NPEPPS: variants seen among roughly 807,000 people sequenced by gnomAD.
NPEPPS encodes aminopeptidase puromycin sensitive, also known as puromycin-sensitive aminopeptidase.
In NPEPPS, 14 loss-of-function variants were observed where a neutral mutation model predicts 115.5. The ratio of observed to expected loss-of-function variants is 0.12; its 90% CI spans 0.08 to 0.19. The LOEUF is 0.19. Ranked by LOEUF, NPEPPS falls within the 10% of genes least tolerant of loss-of-function variation. The pLI, the probability that NPEPPS is intolerant of heterozygous loss-of-function variation, is 1.00. For synonymous variants in NPEPPS, 285 were observed against 390.6 expected (o/e 0.73, Z 3.19); for missense variants, 523 against 1,110.8 (o/e 0.47, Z 7.52).
At position 47,563,177 on chromosome 17, in the gene NPEPPS, G is replaced by A. The variant is rs577658702; in HGVS notation, c.341-6240G>A. Among the ~76,000 whole-genome samples, 149 of 151,386 alleles carry A rather than the reference G, an allele frequency of 9.8e-4. 3 individuals are homozygous for A. Among genetic ancestry groups the A allele is most frequent in the Admixed American group, 9.7e-3 (148 of 15,246 alleles). Reference sequence around the variant, plus strand: ...CTCCTGAGTAGCTGGGATTACAGGCGTGCACCACCACGCCTGGCTAATTTT... The same window carrying A: ...CTCCTGAGTAGCTGGGATTACAGGCATGCACCACCACGCCTGGCTAATTTT... On this transcript the variant is annotated intron_variant, in intron 2 of 22. Coordinates refer to ENST00000322157, the MANE Select transcript of NPEPPS (RefSeq NM_006310.4).
At chr17:47,531,066 G>C, upstream of NPEPPS, 2 of 506,166 alleles carry the variant, frequency 4.0e-6, no homozygotes, top group Non-Finnish European at 6.5e-6. Flanking sequence ...CTCCACGGGG[G>C]CGCGCCCGGC....
In NPEPPS at chr17:47,603,990, C is replaced by T. The variant is rs756003607; in HGVS notation, c.1816C>T (p.Arg606Cys). Residue 606 changes from arginine (R) to cysteine (C), a missense_variant, in exon 16 of 23, where the codon CGT (arginine) becomes TGT (cysteine). Arg to Cys is a radical substitution (Grantham distance 180, BLOSUM62 -3). Transcript: ENST00000322157. ...AMLESLLPGI[R>C]DLSLPPVDRL... is the part of the protein sequence containing the mutation. ...GCTGGAAAGTTTATTACCAGGCATTCGTGACCTTTCTCTGCCCCCTGTGGA... is the reference window on the plus strand; with the variant it reads ...GCTGGAAAGTTTATTACCAGGCATTTGTGACCTTTCTCTGCCCCCTGTGGA... 14 of 1,613,582 alleles carry T rather than the reference C, an allele frequency of 8.7e-6. No individual in the cohort carries two copies. The highest frequency in any genetic ancestry group is 2.7e-5 in the African/African-American group (2 of 74,894).
intron 1 of NPEPPS, among the ~76,000 whole-genome samples, chr17:47,523,443 CG>C (rs1023716956): frequency 6.7e-6 from 1 of 149,352 alleles, no homozygotes; most frequent in East Asian, 2.0e-4. Flanking sequence ...TTTTTTGAGA[CG>C]GGGTCTCGTT....
intron 2 of NPEPPS, among the ~76,000 whole-genome samples, chr17:47,562,862 C>T (rs1209167147): frequency 6.0e-5 from 9 of 150,040 alleles, no homozygotes; most frequent in Non-Finnish European, 1.0e-4. Context: ...CATATTTGTC[C>T]ATTTTTAATT....
intron 4 of NPEPPS, chr17:47,581,487 T>G (rs1911869620): frequency 6.6e-6 from 1 of 152,218 alleles, no homozygotes; most frequent in Non-Finnish European, 1.5e-5. Flanking sequence ...AACTTAAATC[T>G]TGTTATCTAT....
intron 1 of NPEPPS, among the ~76,000 whole-genome samples, chr17:47,542,083 C>T (rs1019245298): frequency 6.6e-5 from 10 of 152,156 alleles, no homozygotes; most frequent in Non-Finnish European, 1.0e-4. Context: ...TCGTACTACT[C>T]TGATGTTCTT....
At chr17:47,603,000 G>A (rs2143922397) in intron 15 of NPEPPS, among the ~76,000 whole-genome samples, 1 of 152,164 alleles carries the variant, frequency 6.6e-6, no homozygotes, top group African/African-American at 2.4e-5. Context: ...AATTGTAGGG[G>A]TGGTTTTAAA....
intron 2 of NPEPPS, among the ~76,000 whole-genome samples, chr17:47,560,556 G>A (rs2663809): frequency 6.6e-6 from 1 of 152,150 alleles, no homozygotes; most frequent in Non-Finnish European, 1.5e-5. Flanking sequence ...TTATGCCCTA[G>A]GGTGAGAAGG....
chr17:47,569,742 C>T (rs544858246), intron 3 of NPEPPS, among the ~76,000 whole-genome samples: 16 of 152,118 alleles, frequency 1.1e-4, no homozygotes, highest in African/African-American at 3.6e-4. Flanking sequence ...GTCGGCCTCC[C>T]GAGTAGCTGG....
intron 16 of NPEPPS, 61 bp from the exon 17 acceptor site, chr17:47,605,272 A>T: frequency 3.2e-6 from 4 of 1,256,688 alleles, no homozygotes; most frequent in Non-Finnish European, 4.4e-6. Context: ...CCAAAAATGC[A>T]TGCTTATGTT....
chr17:47,523,579 C>T (rs942871440), intron 1 of NPEPPS, among the ~76,000 whole-genome samples: 1 of 152,034 alleles, frequency 6.6e-6, no homozygotes, highest in Admixed American at 6.6e-5. Flanking sequence ...CGCCACCACA[C>T]CCGGCAAATT....
chr17:47,578,974 G>T (rs1325766519), intron 3 of NPEPPS, among the ~76,000 whole-genome samples: 2 of 152,148 alleles, frequency 1.3e-5, no homozygotes, highest in East Asian at 3.8e-4. Flanking sequence ...AAGTTATTTA[G>T]CTTCTCAGCC....
chr17:47,604,745 C>CT, intron 16 of NPEPPS, among the ~76,000 whole-genome samples: 1 of 152,176 alleles, frequency 6.6e-6, no homozygotes, highest in African/African-American at 2.4e-5. Flanking sequence ...AGAGACCTGT[C>CT]CCAGGAGAGT....
At chr17:47,526,083 A>C (rs1419937479) in intron 1 of NPEPPS, among the ~76,000 whole-genome samples, 2 of 152,134 alleles carry the variant, frequency 1.3e-5, no homozygotes, top group Non-Finnish European at 2.9e-5. Context: ...ATGGTGGCGC[A>C]TGCCTGTAAT....
chr17:47,573,325 T>C (rs1911312176), intron 3 of NPEPPS, among the ~76,000 whole-genome samples: 1 of 152,168 alleles, frequency 6.6e-6, no homozygotes, highest in South Asian at 2.1e-4. Flanking sequence ...AGTCCTAGAC[T>C]TACCATTAGG....
At position 47,621,998 on chromosome 17, in the gene NPEPPS, T is replaced by C. The variant is rs954242515; in HGVS notation, c.*78T>C. The C allele has an allele frequency of 2.1e-6, 3 of 1,429,812 alleles. No individual in the cohort carries two copies. The highest frequency in any genetic ancestry group is 1.4e-5 in the African/African-American group (1 of 70,654). The allele number at this position is 1,429,812 out of a possible 1,614,324, so 88.6% of individuals were successfully genotyped here. ...GGAGCTACCGAACAGCTGATTCATA[T>C]GCCAAGAATTTGGAGTCTTCTTTCA... is the stretch of plus-strand genomic sequence containing the variant. On this transcript the variant is annotated 3_prime_UTR_variant, in exon 23 of 23. Transcript: ENST00000322157.
chr17:47,572,930 C>T (rs1181626709), intron 3 of NPEPPS, among the ~76,000 whole-genome samples: 1 of 152,144 alleles, frequency 6.6e-6, no homozygotes, highest in Non-Finnish European at 1.5e-5. Context: ...CACATACCAC[C>T]ATGCCCAGCT....
intron 2 of NPEPPS, among the ~76,000 whole-genome samples, chr17:47,563,692 T>C (rs1259754561): frequency 6.6e-6 from 1 of 151,906 alleles, no homozygotes; most frequent in Non-Finnish European, 1.5e-5. Flanking sequence ...TGCCTCAGCC[T>C]CCTGAGTAGC....
intron 8 of NPEPPS, chr17:47,586,662 A>G: frequency 1.8e-6 from 1 of 555,844 alleles, no homozygotes. Context: ...TCATTGCAGT[A>G]GTTTCATAGC....
Sources: gnomAD v4.1 joint callset for allele counts (sites outside exome capture counted in the v4.1 genomes callset) on GRCh38, gnomAD v4.1.1 for gene constraint, MANE v1.5 for transcripts, NCBI Gene and HGNC (gene_info 2026-07-23, HGNC 2026-07-21) for gene names.